Variants in TGFA observed in about 807,000 individuals in gnomAD.
TGFA encodes transforming growth factor alpha.
A neutral mutation model predicts 21.7 loss-of-function variants in TGFA; 12 were observed. The ratio of observed to expected loss-of-function variants is 0.55; its 90% CI spans 0.35 to 0.90. The LOEUF is 0.90. TGFA is among the 40% of genes least tolerant of loss of function. The probability of loss-of-function intolerance (pLI) is 0.01; values close to 1 mark genes in which losing one functional copy is unlikely to be tolerated. For missense variants in TGFA, 178 were observed against 210.8 expected (o/e 0.84, Z 0.96); for synonymous variants, 79 against 88.1 (o/e 0.90, Z 0.58).
At chr2:70,490,431 A>C (rs1173648172) in intron 2 of TGFA, among the ~76,000 whole-genome samples, 1 of 152,238 alleles carries the variant, frequency 6.6e-6, no homozygotes, top group African/African-American at 2.4e-5. Context: ...CAGCCTTAGC[A>C]CAATTTTCCT....
intron 1 of TGFA, among the ~76,000 whole-genome samples, chr2:70,521,385 T>C (rs1485259861): frequency 6.6e-6 from 1 of 152,316 alleles, no homozygotes; most frequent in African/African-American, 2.4e-5. Context: ...CTTGGGTTCA[T>C]GCTACTAGGA....
intron 2 of TGFA, among the ~76,000 whole-genome samples, chr2:70,467,848 A>G (rs1670616542): frequency 6.6e-6 from 1 of 152,236 alleles, no homozygotes; most frequent in Non-Finnish European, 1.5e-5. Context: ...GCAGAGGCTA[A>G]AAATACAACA....
intron 2 of TGFA, among the ~76,000 whole-genome samples, chr2:70,475,521 CGT>C (rs1670894866): frequency 1.3e-5 from 2 of 151,808 alleles, no homozygotes; most frequent in South Asian, 4.2e-4. Context: ...GGGCATGGTG[CGT>C]GTGTGGATGT....
At chr2:70,469,711 G>A (rs1416337311) in intron 2 of TGFA, among the ~76,000 whole-genome samples, 1 of 152,190 alleles carries the variant, frequency 6.6e-6, no homozygotes, top group African/African-American at 2.4e-5. Context: ...GGATAAATGG[G>A]CTCTTGCAAA....
chr2:70,545,506 G>A (rs1673275333), intron 1 of TGFA, among the ~76,000 whole-genome samples: 1 of 152,026 alleles, frequency 6.6e-6, no homozygotes, highest in African/African-American at 2.4e-5. Flanking sequence ...CAGGGGGAAG[G>A]GTAGATTATT....
At chr2:70,453,380 G>T in intron 4 of TGFA, 53 bp from the exon 5 acceptor site, 1 of 1,545,438 alleles carries the variant, frequency 6.5e-7, no homozygotes, top group South Asian at 1.1e-5. Flanking sequence ...GGAGGGCCAG[G>T]GTGGTACAGC....
intron 2 of TGFA, among the ~76,000 whole-genome samples, chr2:70,466,466 C>T (rs1048406374): frequency 3.3e-5 from 5 of 152,152 alleles, no homozygotes; most frequent in African/African-American, 1.2e-4. Context: ...CGAGATTGTG[C>T]CACTGCACTC....
rs1669984651 is a variant in TGFA at position 70,449,508 on chromosome 2, T to C, written c.*1351A>G. The C allele has an allele frequency of 5.6e-6, 1 of 177,522 alleles. No homozygotes were observed. The highest frequency in any genetic ancestry group is 1.2e-4 in the South Asian group (1 of 8,526). 11.0% of individuals were successfully genotyped at this position (177,522 alleles called of 1,614,324 possible). ...CACTGTTTCTCACAGGCAGGCCCCA[T>C]GGGTCAGATGGACCCAGATGCTCAG... On this transcript the variant is annotated 3_prime_UTR_variant, in exon 6 of 6. Coordinates refer to ENST00000295400, the MANE Select transcript of TGFA (RefSeq NM_003236.4).
chr2:70,508,345 T>C (rs192113906), intron 2 of TGFA, among the ~76,000 whole-genome samples: 76 of 152,336 alleles, frequency 5.0e-4, no homozygotes, highest in Non-Finnish European at 8.5e-4. Context: ...CTGGGGAGGC[T>C]GAGGCAGGAG....
rs142869424 is a variant in TGFA, at chr2:70,456,732, C to T, written c.216-244G>A. ...CCTTATCATCTGCGGAGGCAAGCTA[C>T]GGCTGAAGCAATCCATGACTATTGT... On this transcript the variant is annotated intron_variant, in intron 3 of 5. Coordinates refer to ENST00000295400, the MANE Select transcript of TGFA (RefSeq NM_003236.4). Among the ~76,000 whole-genome samples, 406 of 152,352 alleles carry T rather than the reference C, an allele frequency of 2.7e-3. 1 individual carries two copies. Among genetic ancestry groups the T allele is most frequent in the African/African-American group, 8.8e-3 (367 of 41,586 alleles).
At position 70,465,735 on chromosome 2, in the gene TGFA, T is replaced by A; in HGVS notation, c.96A>T (p.Ala32=). 2 of 1,613,958 alleles carry A rather than the reference T, an allele frequency of 1.2e-6. No homozygotes were observed. The highest frequency in any genetic ancestry group is 3.3e-4 in the Middle Eastern group (2 of 5,980). ...ALENSTSPLS[A]DPPVAAAVVS... ...CCACTGCTGCAGCCACGGGCGGGTC[T>A]GCTGGGGAGAGGAAAGATGCAGGGC... is the stretch of plus-strand genomic sequence containing the variant. Residue 32 remains alanine, a splice_region_variant and synonymous_variant, in exon 3 of 6, where the codon GCA becomes GCT. Coordinates refer to ENST00000295400, the MANE Select transcript of TGFA (RefSeq NM_003236.4).
At chr2:70,456,606 T>G in intron 3 of TGFA, 118 bp from the exon 4 acceptor site, 2 of 1,261,288 alleles carry the variant, frequency 1.6e-6, no homozygotes, top group Non-Finnish European at 2.2e-6. Flanking sequence ...AAAGGGGCCC[T>G]GCCAGCTTTT....
intron 1 of TGFA, among the ~76,000 whole-genome samples, chr2:70,551,586 A>G (rs573446239): frequency 1.6e-4 from 25 of 152,338 alleles, no homozygotes; most frequent in African/African-American, 6.0e-4. Flanking sequence ...GGAAATGTGC[A>G]AAGTAAAGCT....
rs142086428 is a variant in TGFA at position 70,504,420 on chromosome 2, A to C, written c.94+10439T>G. ...GCAAGACTCTGTACCAAAACCAAAA[A>C]CAAAACAAAACAAATATATATATAT... On this transcript the variant is annotated intron_variant, in intron 2 of 5. Transcript: ENST00000295400. 6.1e-3 allele frequency among the ~76,000 whole-genome samples: 804 copies of C among 131,940 alleles called. 5 individuals are homozygous for C. The highest frequency in any genetic ancestry group is 0.019 in the African/African-American group (657 of 35,110). The allele number at this position is 131,940 out of a possible 152,430, so 86.6% of individuals were successfully genotyped here.
chr2:70,476,092 A>AAAAG (rs1559109162), intron 2 of TGFA, among the ~76,000 whole-genome samples: 2 of 149,792 alleles, frequency 1.3e-5, no homozygotes, highest in Admixed American at 6.6e-5. Context: ...AAAAAAAAAA[A>AAAAG]AAAAAAAAAA....
intron 2 of TGFA, among the ~76,000 whole-genome samples, chr2:70,476,127 C>T (rs1265689428): frequency 1.4e-5 from 2 of 138,588 alleles, no homozygotes; most frequent in South Asian, 4.7e-4. Flanking sequence ...TTACAGGTCA[C>T]GATTTTGCTT....
At chr2:70,537,344 T>C (rs1553504598) in intron 1 of TGFA, among the ~76,000 whole-genome samples, 2 of 152,144 alleles carry the variant, frequency 1.3e-5, no homozygotes, top group African/African-American at 4.8e-5. Flanking sequence ...GGCCTCTCAG[T>C]TTTGAAGTGA....
chr2:70,496,163 T>C (rs1241695441), intron 2 of TGFA, among the ~76,000 whole-genome samples: 2 of 152,158 alleles, frequency 1.3e-5, no homozygotes, highest in Non-Finnish European at 1.5e-5. Flanking sequence ...ACCAGAGCAG[T>C]ATCACTGTTA....
intron 2 of TGFA, among the ~76,000 whole-genome samples, chr2:70,498,901 A>G (rs1671655191): frequency 6.6e-6 from 1 of 151,956 alleles, no homozygotes; most frequent in Non-Finnish European, 1.5e-5. Context: ...GTGGTTTTCA[A>G]CCCTGGCTGC....
Sources: allele counts gnomAD v4.1 joint callset (sites outside exome capture counted in the v4.1 genomes callset), GRCh38; gene constraint gnomAD v4.1.1; transcripts MANE v1.5; gene names NCBI Gene and HGNC (gene_info 2026-07-23, HGNC 2026-07-21).